Variants in TYW1B observed in about 807,000 individuals in gnomAD.
TYW1B encodes the protein S-adenosyl-L-methionine-dependent tRNA 4-demethylwyosine synthase TYW1B.
In TYW1B, 73 loss-of-function variants were observed where a neutral mutation model predicts 86.9. The ratio of observed to expected loss-of-function variants is 0.84; its 90% CI spans 0.70 to 1.02. The LOEUF (loss-of-function observed/expected upper bound fraction) is 1.02, where lower values mean the gene tolerates loss of function less well. Among genes scored for constraint, TYW1B ranks in the 50% least tolerant of loss-of-function variants. The probability of loss-of-function intolerance (pLI) is 0.00; values close to 1 mark genes in which losing one functional copy is unlikely to be tolerated. For synonymous variants in TYW1B, 248 were observed against 292.8 expected (o/e 0.85, Z 1.56); for missense variants, 637 against 827.4 (o/e 0.77, Z 2.82).
At chr7:72,740,202 C>T (rs1460900218) in intron 8 of TYW1B, among the ~76,000 whole-genome samples, 1 of 151,800 alleles carries the variant, frequency 6.6e-6, no homozygotes, top group Non-Finnish European at 1.5e-5. Context: ...CACTGCACTC[C>T]AGCCTGGGCG....
chr7:72,582,034 G>T (rs1554429690), intron 13 of TYW1B, among the ~76,000 whole-genome samples: 3 of 151,588 alleles, frequency 2.0e-5, no homozygotes, highest in Non-Finnish European at 4.4e-5. Context: ...CTCCCAAAGT[G>T]CTGGGATAAC....
At chr7:72,657,399 G>C (rs1441910348) in intron 11 of TYW1B, among the ~76,000 whole-genome samples, 2 of 152,084 alleles carry the variant, frequency 1.3e-5, no homozygotes, top group African/African-American at 4.8e-5. Context: ...AGAAAGAGAA[G>C]AAATGGACAA....
At chr7:72,691,421 G>A (rs1814157360) in intron 11 of TYW1B, among the ~76,000 whole-genome samples, 1 of 152,124 alleles carries the variant, frequency 6.6e-6, no homozygotes, top group Non-Finnish European at 1.5e-5. Flanking sequence ...AGATGCTCCT[G>A]GGTTGAAATT....
chr7:72,756,201 T>TTATTTTATTTTATTTTA, intron 7 of TYW1B, among the ~76,000 whole-genome samples: 1 of 138,788 alleles, frequency 7.2e-6, no homozygotes, highest in Non-Finnish European at 1.6e-5. Flanking sequence ...GTTTATTATT[T>TTATTTTATTTTATTTTA]TTTTATTTTA....
chr7:72,711,723 G>C (rs1337765852), intron 10 of TYW1B, among the ~76,000 whole-genome samples: 1 of 151,708 alleles, frequency 6.6e-6, no homozygotes, highest in Non-Finnish European at 1.5e-5. Flanking sequence ...TCCTGACCTG[G>C]TGATCCGCCC....
chr7:72,806,702 G>A (rs1202584887), intron 5 of TYW1B, among the ~76,000 whole-genome samples: 1 of 151,788 alleles, frequency 6.6e-6, no homozygotes, highest in African/African-American at 2.4e-5. Flanking sequence ...CCAGGCTGGA[G>A]GGCAGTGGCA....
intron 7 of TYW1B, among the ~76,000 whole-genome samples, chr7:72,755,156 A>G (rs1428257788): frequency 6.6e-6 from 1 of 152,170 alleles, no homozygotes; most frequent in Non-Finnish European, 1.5e-5. Flanking sequence ...AGTGGCTCAC[A>G]CCTGTAATCT....
Position 72,575,575 on chromosome 7 carries a change from C to A in TYW1B, c.1930G>T (p.Ala644Ser). The change falls in exon 14 of 14, where the codon GCC becomes TCC. Residue 644 changes from alanine to serine, a missense_variant. Ala to Ser is a moderately conservative substitution (Grantham distance 99). Coordinates refer to ENST00000620995, the MANE Select transcript of TYW1B (RefSeq NM_001145440.3). The stretch of plus-strand genomic sequence containing the variant: ...TTGGGATCAAAGCTTCTTTCATTGG[C>A]ACCAAATAATGCCCAGTGAGGAGTT... ...ARTPHWALFGANERSFDPKDT... is the reference protein window; with the variant it reads ...ARTPHWALFGSNERSFDPKDT... 6.2e-7 allele frequency: 1 copy of A among 1,613,890 alleles called. No homozygotes were observed. Among genetic ancestry groups the A allele is most frequent in the South Asian group, 1.1e-5 (1 of 91,070 alleles).
chr7:72,703,892 A>G (rs1814551043), intron 10 of TYW1B, among the ~76,000 whole-genome samples: 1 of 151,792 alleles, frequency 6.6e-6, no homozygotes, highest in Non-Finnish European at 1.5e-5. Flanking sequence ...AAAAGAAAAA[A>G]TCTGTATTCC....
chr7:72,799,149 GC>G (rs1788359716), intron 6 of TYW1B, among the ~76,000 whole-genome samples: 1 of 128,254 alleles, frequency 7.8e-6, no homozygotes, highest in Non-Finnish European at 1.6e-5. Flanking sequence ...GACCGGGTCT[GC>G]CTTTTTTTTT....
intron 11 of TYW1B, among the ~76,000 whole-genome samples, chr7:72,632,398 ATAATATATATATACATATATATATAAAAT>A (rs1812541589): frequency 2.0e-5 from 2 of 100,780 alleles, no homozygotes; most frequent in Admixed American, 1.2e-4. Flanking sequence ...GTATATATAT[ATAATATATATATACATATATATATAAAAT>A]ATATATATAC....
chr7:72,783,556 T>C (rs1788083109), intron 6 of TYW1B, among the ~76,000 whole-genome samples: 1 of 152,176 alleles, frequency 6.6e-6, no homozygotes, highest in African/African-American at 2.4e-5. Context: ...CACATTTAGA[T>C]TCCTATTTCT....
At chr7:72,754,659 A>G (rs541277111) in intron 7 of TYW1B, among the ~76,000 whole-genome samples, 2 of 151,674 alleles carry the variant, frequency 1.3e-5, no homozygotes, top group African/African-American at 4.8e-5. Context: ...GCTGGTCTCC[A>G]ACTCCTGACC....
At chr7:72,582,160 G>GA (rs56223954) in intron 13 of TYW1B, among the ~76,000 whole-genome samples, 31,425 of 134,048 alleles carry the variant, frequency 0.23, 2,994 homozygotes, top group African/African-American at 0.37. Context: ...ACAGAAAGGA[G>GA]AAAAAAAAAA....
intron 6 of TYW1B, among the ~76,000 whole-genome samples, chr7:72,778,561 T>C (rs1488808477): frequency 1.3e-5 from 2 of 152,236 alleles, no homozygotes; most frequent in African/African-American, 4.8e-5. Flanking sequence ...GCAATTCTCA[T>C]GCCTCAGCCT....
chr7:72,575,908 A>G (rs569274040), intron 13 of TYW1B, among the ~76,000 whole-genome samples, 189 bp from the exon 14 acceptor site: 332 of 152,356 alleles, frequency 2.2e-3, no homozygotes, highest in African/African-American at 7.7e-3. Context: ...AAGATGCGCT[A>G]CAATCACAGG....
chr7:72,720,552 C>T (rs1380557759), intron 9 of TYW1B, among the ~76,000 whole-genome samples: 1 of 152,140 alleles, frequency 6.6e-6, no homozygotes, highest in Non-Finnish European at 1.5e-5. Context: ...TATCCTGATT[C>T]TTTCACAAGT....
At chr7:72,607,337 A>G (rs1554435038) in intron 13 of TYW1B, among the ~76,000 whole-genome samples, 1 of 145,666 alleles carries the variant, frequency 6.9e-6, no homozygotes, top group East Asian at 2.4e-4. Flanking sequence ...GGTTGCAGTG[A>G]GCCAAGATTG....
chr7:72,731,125 GA>G (rs1162938084), intron 8 of TYW1B, among the ~76,000 whole-genome samples: 3,245 of 71,176 alleles, frequency 0.046, 36 homozygotes, highest in East Asian at 0.056. Flanking sequence ...CTAAGGGCTG[GA>G]AAAAAAAAAA....
Sources: allele counts gnomAD v4.1 joint callset (sites outside exome capture counted in the v4.1 genomes callset), GRCh38; gene constraint gnomAD v4.1.1; transcripts MANE v1.5; gene names NCBI Gene and HGNC (gene_info 2026-07-23, HGNC 2026-07-21).